The following NRXN3 variants were observed in gnomAD, a reference collection of about 807,000 sequenced individuals.
The protein encoded by NRXN3 is neurexin 3.
NRXN3 carries 32 observed loss-of-function variants against 137.6 expected under a neutral mutation model. The ratio of observed to expected loss-of-function variants is 0.23; its 90% CI spans 0.18 to 0.31. The LOEUF (loss-of-function observed/expected upper bound fraction) is 0.31. Ranked by LOEUF, NRXN3 falls within the 10% of genes least tolerant of loss-of-function variation. NRXN3 has a pLI of 1.00. For missense variants in NRXN3, 1,574 were observed against 2,062.5 expected, an observed-to-expected ratio of 0.76 and a Z score of 4.59; for synonymous variants, 798 against 784.5, an observed-to-expected ratio of 1.02 and a Z score of -0.29.
intron 6 of NRXN3, among the ~76,000 whole-genome samples, chr14:78,701,961 C>T (rs1394431355): frequency 2.0e-5 from 3 of 152,124 alleles, no homozygotes; most frequent in African/African-American, 4.8e-5. Flanking sequence ...ACTATGAGCC[C>T]CAGGTTGGAT....
chr14:78,501,594 TG>T (rs1172860862), intron 4 of NRXN3, among the ~76,000 whole-genome samples: 3 of 152,166 alleles, frequency 2.0e-5, no homozygotes, highest in Admixed American at 2.0e-4. Context: ...AGGTTATACT[TG>T]GGCACAAATA....
intron 16 of NRXN3, among the ~76,000 whole-genome samples, chr14:79,508,390 A>ATTTCTGATTTTTT (rs1555494789): frequency 2.1e-5 from 1 of 48,240 alleles, no homozygotes; most frequent in African/African-American, 7.3e-5. Context: ...ACAATAACTG[A>ATTTCTGATTTTTT]TTTTTTTTTT....
chr14:78,722,084 G>A (rs992808530), intron 8 of NRXN3, among the ~76,000 whole-genome samples: 12 of 152,086 alleles, frequency 7.9e-5, no homozygotes, highest in African/African-American at 2.9e-4. Flanking sequence ...GATCACAGCT[G>A]GTCCTGTTAC....
In NRXN3 at chr14:78,340,722, C is replaced by A. The variant is rs554147566; in HGVS notation, c.757+42862C>A. On this transcript the variant is annotated intron_variant, in intron 4 of 20. Transcript: ENST00000335750. ...TAGAAATTGTTAGGCTTCTTCAGGG[C>A]AAGACCTGTAACTGACACAGCATCA... is the stretch of plus-strand genomic sequence containing the variant. Among the ~76,000 whole-genome samples, 27 of 152,260 alleles carry A rather than the reference C, an allele frequency of 1.8e-4. No individual in the cohort carries two copies. The East Asian group carries it at 4.8e-3, about 27-fold the overall frequency.
chr14:79,493,216 G>A (rs1003481438), intron 16 of NRXN3, among the ~76,000 whole-genome samples: 3 of 152,188 alleles, frequency 2.0e-5, no homozygotes, highest in African/African-American at 7.2e-5. Flanking sequence ...GCTTTTCTTG[G>A]TGAATCCTAA....
At chr14:78,331,755 C>T (rs773585349) in intron 4 of NRXN3, among the ~76,000 whole-genome samples, 1 of 152,158 alleles carries the variant, frequency 6.6e-6, no homozygotes, top group East Asian at 1.9e-4. Context: ...ATCCTAAAGA[C>T]TGGGGAGTGT....
chr14:78,485,493 A>G (rs2095547408), intron 4 of NRXN3, among the ~76,000 whole-genome samples: 1 of 152,218 alleles, frequency 6.6e-6, no homozygotes, highest in Admixed American at 6.5e-5. Flanking sequence ...ATAAACAGAG[A>G]GAAATAAAGC....
intron 4 of NRXN3, among the ~76,000 whole-genome samples, chr14:78,636,207 G>A (rs1035146129): frequency 6.6e-6 from 1 of 152,154 alleles, no homozygotes; most frequent in African/African-American, 2.4e-5. Flanking sequence ...GTTAGAGCAT[G>A]TGGCTTTTAC....
At chr14:79,721,181 C>T (rs1167127111) in intron 19 of NRXN3, among the ~76,000 whole-genome samples, 1 of 152,162 alleles carries the variant, frequency 6.6e-6, no homozygotes, top group Non-Finnish European at 1.5e-5. Flanking sequence ...ATTCTTCCTG[C>T]AGCCTCCTGT....
intron 19 of NRXN3, among the ~76,000 whole-genome samples, chr14:79,757,381 T>G (rs2139295196): frequency 6.6e-6 from 1 of 152,284 alleles, no homozygotes; most frequent in Non-Finnish European, 1.5e-5. Context: ...TGGTCCCGTC[T>G]TGCAGAAAAG....
At chr14:78,442,315 T>G (rs1598729707) in intron 4 of NRXN3, among the ~76,000 whole-genome samples, 1 of 150,014 alleles carries the variant, frequency 6.7e-6, no homozygotes, top group Admixed American at 6.6e-5. Context: ...AGGGAAGATT[T>G]GACAGAAAGA....
chr14:79,825,181 A>G (rs1391158510), intron 20 of NRXN3, among the ~76,000 whole-genome samples: 1 of 146,270 alleles, frequency 6.8e-6, no homozygotes, highest in Non-Finnish European at 1.5e-5. Flanking sequence ...TTGTCAGACC[A>G]ATTGGTGAAA....
intron 1 of NRXN3, among the ~76,000 whole-genome samples, chr14:78,187,254 G>T (rs2060305133): frequency 1.6e-5 from 2 of 126,676 alleles, no homozygotes. Flanking sequence ...ATGTTTTGGT[G>T]GTGTGTGTGT....
chr14:78,173,080 A>C (rs572496588), intron 1 of NRXN3, among the ~76,000 whole-genome samples: 1 of 151,948 alleles, frequency 6.6e-6, no homozygotes, highest in East Asian at 1.9e-4. Flanking sequence ...GTCGATGTGC[A>C]TGGTAGGAAG....
intron 16 of NRXN3, among the ~76,000 whole-genome samples, chr14:79,477,022 G>A (rs56376412): frequency 6.6e-6 from 1 of 152,002 alleles, no homozygotes; most frequent in Non-Finnish European, 1.5e-5. Context: ...ATCTAGCCGG[G>A]GGGTAGAGGG....
chr14:79,767,896 C>T (rs557038537), intron 19 of NRXN3, among the ~76,000 whole-genome samples: 14 of 152,220 alleles, frequency 9.2e-5, no homozygotes, highest in East Asian at 1.9e-4. Flanking sequence ...AGACAGTGGG[C>T]GCAGGTCACT....
chr14:79,389,882 A>T (rs1464466289), intron 15 of NRXN3, among the ~76,000 whole-genome samples: 12 of 152,246 alleles, frequency 7.9e-5, no homozygotes, highest in African/African-American at 2.9e-4. Context: ...GAAGGAAAAT[A>T]TGAGGCAAGA....
chr14:78,449,836 C>T (rs143733228), intron 4 of NRXN3, among the ~76,000 whole-genome samples: 5 of 152,290 alleles, frequency 3.3e-5, no homozygotes, highest in Non-Finnish European at 7.3e-5. Flanking sequence ...ACTTATCCAA[C>T]GTCCTAAAGT....
chr14:79,307,243 A>G (rs1437209836), intron 15 of NRXN3, among the ~76,000 whole-genome samples: 1 of 152,160 alleles, frequency 6.6e-6, no homozygotes, highest in Non-Finnish European at 1.5e-5. Context: ...TCTAGGTCCC[A>G]TATCAATAAA....
Sources: gnomAD v4.1 joint callset for allele counts (sites outside exome capture counted in the v4.1 genomes callset) on GRCh38, gnomAD v4.1.1 for gene constraint, MANE v1.5 for transcripts, NCBI Gene and HGNC (gene_info 2026-07-23, HGNC 2026-07-21) for gene names.